Variants in RBFOX1 observed in about 807,000 individuals in gnomAD.
RBFOX1 encodes RNA binding fox-1 homolog 1.
RBFOX1 carries 8 observed loss-of-function variants against 57.7 expected under a neutral mutation model. That is an observed-to-expected ratio of 0.14 (90% CI 0.08 to 0.25). The LOEUF (loss-of-function observed/expected upper bound fraction) is 0.25, where lower values mean the gene tolerates loss of function less well. Ranked by LOEUF, RBFOX1 falls within the 10% of genes least tolerant of loss-of-function variation. The probability of loss-of-function intolerance (pLI) is 1.00; values close to 1 mark genes in which losing one functional copy is unlikely to be tolerated. For synonymous variants in RBFOX1, 326 were observed against 222.4 expected, an observed-to-expected ratio of 1.47 and a Z score of -4.15; for missense variants, 611 against 548.5, an observed-to-expected ratio of 1.11 and a Z score of -1.14.
At chr16:6,669,202 T>A (rs187381695) in intron 3 of RBFOX1, among the ~76,000 whole-genome samples, 2 of 152,238 alleles carry the variant, frequency 1.3e-5, no homozygotes, top group Non-Finnish European at 2.9e-5. Flanking sequence ...TGGAAAAATT[T>A]GTGATGGAAC....
intron 1 of RBFOX1, among the ~76,000 whole-genome samples, chr16:6,138,098 C>G (rs1026904937): frequency 6.6e-6 from 1 of 152,248 alleles, no homozygotes; most frequent in Middle Eastern, 3.4e-3. Context: ...TTTTGAGATC[C>G]CTGATGTCAA....
At chr16:6,811,055 C>A (rs937023482) in intron 3 of RBFOX1, among the ~76,000 whole-genome samples, 6 of 152,088 alleles carry the variant, frequency 3.9e-5, no homozygotes, top group African/African-American at 1.4e-4. Flanking sequence ...TAAGATACCC[C>A]GAAAAACACA....
chr16:5,967,908 A>G (rs887308923), intron 4 of RBFOX1, among the ~76,000 whole-genome samples: 3 of 152,122 alleles, frequency 2.0e-5, no homozygotes, highest in Non-Finnish European at 4.4e-5. Context: ...TGGTATCCCT[A>G]CCATTCCTCT....
intron 4 of RBFOX1, among the ~76,000 whole-genome samples, chr16:7,335,584 G>GAAAAAAA (rs959362612): frequency 4.3e-4 from 32 of 74,506 alleles, no homozygotes; most frequent in African/African-American, 8.0e-4. Flanking sequence ...CTCAGATAAA[G>GAAAAAAA]AAAAAAAAAA....
intron 3 of RBFOX1, among the ~76,000 whole-genome samples, chr16:6,829,159 A>G (rs2092483305): frequency 6.6e-6 from 1 of 152,136 alleles, no homozygotes; most frequent in South Asian, 2.1e-4. Flanking sequence ...AGGTGGGTGT[A>G]GAAGTTTCAA....
chr16:7,211,085 TAAAA>T (rs59344460), intron 4 of RBFOX1, among the ~76,000 whole-genome samples: 33,732 of 144,282 alleles, frequency 0.23, 5,298 homozygotes, highest in African/African-American at 0.44. Context: ...TACATACACT[TAAAA>T]AAAAAAAAAA....
chr16:6,509,868 G>T (rs552388171), intron 2 of RBFOX1, among the ~76,000 whole-genome samples: 1 of 152,142 alleles, frequency 6.6e-6, no homozygotes, highest in South Asian at 2.1e-4. Context: ...AGAAAAAACT[G>T]TAGGAGAAGT....
chr16:5,417,662 G>C (rs2067196814), intron 1 of RBFOX1, among the ~76,000 whole-genome samples: 2 of 152,300 alleles, frequency 1.3e-5, no homozygotes, highest in South Asian at 4.1e-4. Context: ...ATCTGGGGAA[G>C]GCCTGCCATT....
intron 10 of RBFOX1, among the ~76,000 whole-genome samples, chr16:7,629,455 C>T (rs1337241942): frequency 6.6e-6 from 1 of 152,090 alleles, no homozygotes; most frequent in Non-Finnish European, 1.5e-5. Context: ...GATTGCTTTC[C>T]CGTTGCGGTC....
At chr16:7,243,546 T>A (rs996700315) in intron 4 of RBFOX1, among the ~76,000 whole-genome samples, 1 of 152,088 alleles carries the variant, frequency 6.6e-6, no homozygotes, top group African/African-American at 2.4e-5. Flanking sequence ...TCTTTATTAG[T>A]AGTAGTATTA....
chr16:5,454,839 TC>T (rs1181846381), intron 1 of RBFOX1, among the ~76,000 whole-genome samples: 8 of 130,656 alleles, frequency 6.1e-5, no homozygotes, highest in East Asian at 4.0e-4. Context: ...TTGCTTTCTT[TC>T]CTTTCTTTCT....
At chr16:6,106,328 A>G (rs2096378386) in intron 1 of RBFOX1, among the ~76,000 whole-genome samples, 1 of 151,762 alleles carries the variant, frequency 6.6e-6, no homozygotes, top group African/African-American at 2.4e-5. Flanking sequence ...AGGCTTGATG[A>G]CAGGTGTCTG....
At chr16:6,129,807 A>C (rs1304089300) in intron 1 of RBFOX1, among the ~76,000 whole-genome samples, 1 of 152,016 alleles carries the variant, frequency 6.6e-6, no homozygotes, top group African/African-American at 2.4e-5. Flanking sequence ...TATAAAATGC[A>C]GGGGATGAAT....
intron 4 of RBFOX1, among the ~76,000 whole-genome samples, chr16:7,128,638 C>A (rs1251770687): frequency 1.3e-5 from 2 of 152,104 alleles, no homozygotes; most frequent in Non-Finnish European, 2.9e-5. Flanking sequence ...ATTCTCATTT[C>A]TACCCTATTG....
intron 1 of RBFOX1, among the ~76,000 whole-genome samples, chr16:6,077,449 C>T (rs958447431): frequency 2.6e-5 from 4 of 152,150 alleles, no homozygotes; most frequent in East Asian, 3.9e-4. Context: ...GTCACTGCTG[C>T]GAACCAGGAA....
rs565248640 is a variant in RBFOX1, at chr16:6,512,283, C to CAAAAAAAAAAAAAAAAAAAAAAAA, written c.-63-142304_-63-142303insAAAAAAAAAAAAAAAAAAAAAAAA. The stretch of plus-strand genomic sequence containing the variant: ...TGGGTAACAGAGCAAGACCCTGTAT[C>CAAAAAAAAAAAAAAAAAAAAAAAA]AAAAAAAAAAAAAAAAGGTAAGAGA... On this transcript the variant is annotated intron_variant, in intron 2 of 15. Coordinates refer to ENST00000550418, the MANE Select transcript of RBFOX1 (RefSeq NM_018723.4). Among the ~76,000 whole-genome samples, 103 of 86,886 alleles carry CAAAAAAAAAAAAAAAAAAAAAAAA rather than the reference C, an allele frequency of 1.2e-3. 3 individuals carry two copies. Among genetic ancestry groups the CAAAAAAAAAAAAAAAAAAAAAAAA allele is most frequent in the Middle Eastern group, 7.2e-3 (1 of 138 alleles). 57.0% of individuals were successfully genotyped at this position (86,886 alleles called of 152,430 possible). A position where few individuals can be genotyped will look rare whatever the true frequency, so the allele number is the denominator to read the frequency against.
chr16:7,043,797 G>T (rs568484785), intron 3 of RBFOX1, among the ~76,000 whole-genome samples: 1 of 152,238 alleles, frequency 6.6e-6, no homozygotes, highest in South Asian at 2.1e-4. Flanking sequence ...GTTCCCTCTT[G>T]CACTTGACTC....
intron 2 of RBFOX1, among the ~76,000 whole-genome samples, chr16:5,514,580 C>T (rs2043722349): frequency 6.6e-6 from 1 of 152,166 alleles, no homozygotes. Flanking sequence ...GGGCCATTCA[C>T]ACTGTCAGCC....
intron 4 of RBFOX1, among the ~76,000 whole-genome samples, chr16:7,223,712 G>GA (rs71147673): frequency 0.14 from 17,604 of 129,740 alleles, 1,233 homozygotes; most frequent in Non-Finnish European, 0.18. Context: ...CAGTGTTTCA[G>GA]AAAAAAAAAA....
Sources: allele counts gnomAD v4.1 joint callset (sites outside exome capture counted in the v4.1 genomes callset), GRCh38; gene constraint gnomAD v4.1.1; transcripts MANE v1.5; gene names NCBI Gene and HGNC (gene_info 2026-07-23, HGNC 2026-07-21).